SCN1A: variants seen among roughly 807,000 people sequenced by gnomAD.
SCN1A encodes the protein sodium voltage-gated channel alpha subunit 1, also known as sodium channel protein type 1 subunit alpha.
Under a neutral mutation model 193.7 loss-of-function variants are expected in SCN1A, and 13 were observed. The observed-to-expected ratio is 0.07, with a 90% confidence interval of 0.04 to 0.11. The LOEUF (loss-of-function observed/expected upper bound fraction) is 0.11. Among genes scored for constraint, SCN1A ranks in the 10% least tolerant of loss-of-function variants. The pLI, the probability that SCN1A is intolerant of heterozygous loss-of-function variation, is 1.00. For missense variants in SCN1A, 1,432 were observed against 2,451.1 expected, an observed-to-expected ratio of 0.58 and a Z score of 8.78; for synonymous variants, 781 against 843.6, an observed-to-expected ratio of 0.93 and a Z score of 1.29.
intron 10 of SCN1A, among the ~76,000 whole-genome samples, chr2:166,048,396 A>G (rs1407160729): frequency 1.3e-5 from 2 of 151,864 alleles, no homozygotes; most frequent in African/African-American, 4.8e-5. Flanking sequence ...GTTGTTCCCT[A>G]TATGTGTCCA....
chr2:166,083,630 C>A (rs1685766899), intron 2 of SCN1A, among the ~76,000 whole-genome samples: 1 of 152,030 alleles, frequency 6.6e-6, no homozygotes, highest in African/African-American at 2.4e-5. Context: ...GTAGTTTTCT[C>A]ATGAAACACA....
chr2:166,073,688 C>T lies in SCN1A; in HGVS notation c.-49-18G>A, dbSNP rs1223044466. 4 of 1,542,766 alleles carry T rather than the reference C, an allele frequency of 2.6e-6. No homozygotes were observed. Among genetic ancestry groups the T allele is most frequent in the Non-Finnish European group, 3.6e-6 (4 of 1,120,698 alleles). On this transcript the variant is annotated intron_variant, in intron 3 of 28. Transcript: ENST00000674923. ...TGAAATTCCTAAAATAAAAGGAATA[C>T]AGATATTTTAAAGAGTGGACTAAGA...
intron 23 of SCN1A, among the ~76,000 whole-genome samples, chr2:166,003,700 A>G (rs1691257883): frequency 6.6e-6 from 1 of 151,640 alleles, no homozygotes; most frequent in African/African-American, 2.4e-5. Context: ...AACAGACCCT[A>G]AAATGCTTAT....
intron 19 of SCN1A, among the ~76,000 whole-genome samples, chr2:166,030,732 C>T (rs1166512750): frequency 6.6e-6 from 1 of 151,714 alleles, no homozygotes; most frequent in Non-Finnish European, 1.5e-5. Flanking sequence ...AGAGTTAAGG[C>T]TTATAAGCTC....
chr2:166,016,814 A>G (rs564725190), intron 19 of SCN1A, among the ~76,000 whole-genome samples: 9 of 151,884 alleles, frequency 5.9e-5, no homozygotes, highest in Admixed American at 2.6e-4. Context: ...AGACCCGACA[A>G]TAGGCATTCC....
rs142984238 is a variant in SCN1A, at chr2:166,038,359, T to C, written c.2590-227A>G. On this transcript the variant is annotated intron_variant, in intron 17 of 28. Transcript: ENST00000674923. The stretch of plus-strand genomic sequence containing the variant: ...ATGGTGAATTATTTTTCTTTCCTTT[T>C]CTTTTTTTTTTTCTTTTGTCACCCA... Among the ~76,000 whole-genome samples the C allele has an allele frequency of 5.6e-3, 855 of 152,086 alleles. 8 individuals are homozygous for C. The highest frequency in any genetic ancestry group is 0.02 in the African/African-American group (830 of 41,474).
chr2:165,998,001 C>A, intron 26 of SCN1A, 37 bp downstream of exon 26: 1 of 1,536,960 alleles, frequency 6.5e-7, no homozygotes, highest in South Asian at 1.1e-5. Flanking sequence ...GAATAATTTT[C>A]TATCTCAGTG....
chr2:166,097,189 T>A (rs1030331027), intron 2 of SCN1A, among the ~76,000 whole-genome samples: 8 of 152,026 alleles, frequency 5.3e-5, no homozygotes, highest in African/African-American at 1.9e-4. Flanking sequence ...ACCTGGCTAA[T>A]TTTTTGTATT....
intron 2 of SCN1A, among the ~76,000 whole-genome samples, chr2:166,090,191 C>G (rs1686647130): frequency 6.6e-6 from 1 of 151,720 alleles, no homozygotes; most frequent in African/African-American, 2.4e-5. Flanking sequence ...TACCAGCATG[C>G]CCAGCTGATT....
intron 1 of SCN1A, among the ~76,000 whole-genome samples, chr2:166,133,562 T>G (rs1691742793): frequency 6.6e-6 from 1 of 152,170 alleles, no homozygotes; most frequent in Non-Finnish European, 1.5e-5. Context: ...TTCCTCTGAT[T>G]ATATCACCAA....
At chr2:166,073,220 C>T in intron 4 of SCN1A, 138 bp downstream of exon 4, 1 of 1,006,018 alleles carries the variant, frequency 9.9e-7, no homozygotes, top group Non-Finnish European at 1.5e-6. Flanking sequence ...ATGCATAAAC[C>T]ACCCACAAAT....
At chr2:166,130,069 GAC>G (rs1279590233), upstream of SCN1A, among the ~76,000 whole-genome samples, 2 of 152,150 alleles carry the variant, frequency 1.3e-5, no homozygotes, top group Non-Finnish European at 2.9e-5. Flanking sequence ...AAAAGACAGA[GAC>G]AGACTGTTTC....
At position 166,036,549 on chromosome 2, in the gene SCN1A, A is replaced by G. The variant is rs752690148; in HGVS notation, c.2947-19T>C. 2.5e-6 allele frequency: 4 copies of G among 1,611,184 alleles called. No individual in the cohort carries two copies. Among genetic ancestry groups the G allele is most frequent in the South Asian group, 1.1e-5 (1 of 90,704 alleles). The stretch of plus-strand genomic sequence containing the variant: ...TCAGGACCTTAAAAACAACAAAAAC[A>G]TGATTATAATTTTACACCAATGTAG... On this transcript the variant is annotated intron_variant, in intron 18 of 28. Transcript: ENST00000674923.
In SCN1A at chr2:166,048,956, GA is replaced by G; in HGVS notation, c.965-8del. 6.3e-7 allele frequency: 1 copy of G among 1,580,274 alleles called. No individual in the cohort carries two copies. Among genetic ancestry groups the G allele is most frequent in the Non-Finnish European group, 8.7e-7 (1 of 1,150,272 alleles). On this transcript the variant is annotated splice_polypyrimidine_tract_variant and splice_region_variant and intron_variant, in intron 9 of 28. Transcript: ENST00000674923. The stretch of plus-strand genomic sequence containing the variant: ...TCCAGGAAATAATGATATCCTGTTT[GA>G]AAAAAGAAAGTCGTATGATGAACAT...
At chr2:165,996,572 G>A (rs540764236) in intron 26 of SCN1A, among the ~76,000 whole-genome samples, 1 of 151,572 alleles carries the variant, frequency 6.6e-6, no homozygotes, top group South Asian at 2.1e-4. Flanking sequence ...CTCTAACTCT[G>A]TCAAGAATTG....
At chr2:166,120,977 A>T (rs1690519177) in intron 2 of SCN1A, among the ~76,000 whole-genome samples, 1 of 151,994 alleles carries the variant, frequency 6.6e-6, no homozygotes, top group Non-Finnish European at 1.5e-5. Context: ...ATATGGGGAT[A>T]GTTTGGTGGA....
At chr2:166,092,106 G>A (rs183734067) in intron 2 of SCN1A, among the ~76,000 whole-genome samples, 310 of 152,100 alleles carry the variant, frequency 2.0e-3, no homozygotes, top group Non-Finnish European at 3.4e-3. Context: ...TTAATTAAGC[G>A]AAGGCGTCTT....
chr2:166,041,119 G>A (rs1196323034), intron 16 of SCN1A, 112 bp downstream of exon 16: 3 of 866,540 alleles, frequency 3.5e-6, no homozygotes, highest in Non-Finnish European at 5.8e-6. Flanking sequence ...GATTTTGCAG[G>A]GGCCAGGAAG....
chr2:166,134,659 T>A (rs557042262), intron 1 of SCN1A, among the ~76,000 whole-genome samples: 14 of 152,248 alleles, frequency 9.2e-5, no homozygotes, highest in African/African-American at 3.1e-4. Context: ...CTCCAGAAAA[T>A]ATCCAGGAAG....
Sources: allele counts gnomAD v4.1 joint callset (sites outside exome capture counted in the v4.1 genomes callset), GRCh38; gene constraint gnomAD v4.1.1; transcripts MANE v1.5; gene names NCBI Gene and HGNC (gene_info 2026-07-23, HGNC 2026-07-21).